Variants in NEGR1 observed in about 807,000 individuals in gnomAD.
NEGR1 encodes neuronal growth regulator 1, also known as IgLON family member 4.
A neutral mutation model predicts 40.9 loss-of-function variants in NEGR1; 10 were observed. The ratio of observed to expected loss-of-function variants is 0.24; its 90% CI spans 0.15 to 0.42. NEGR1 has a LOEUF of 0.42. NEGR1 is among the 10% of genes least tolerant of loss of function. The probability of loss-of-function intolerance (pLI) is 1.00; values close to 1 mark genes in which losing one functional copy is unlikely to be tolerated. For missense variants in NEGR1, 352 were observed against 438.9 expected (o/e 0.80, Z 1.77); for synonymous variants, 185 against 166.8 (o/e 1.11, Z -0.84).
chr1:72,279,800 A>T (rs568141987), intron 1 of NEGR1, among the ~76,000 whole-genome samples: 1 of 152,326 alleles, frequency 6.6e-6, no homozygotes, highest in East Asian at 1.9e-4. Flanking sequence ...CAAGAAAAAA[A>T]TAACTGACAA....
intron 1 of NEGR1, among the ~76,000 whole-genome samples, chr1:72,261,408 C>T (rs1055676911): frequency 6.6e-6 from 1 of 151,892 alleles, no homozygotes; most frequent in Non-Finnish European, 1.5e-5. Context: ...TTATGCAGAA[C>T]ACTGGTTTAA....
chr1:71,921,372 T>C (rs940315126), intron 2 of NEGR1, among the ~76,000 whole-genome samples: 16 of 152,012 alleles, frequency 1.1e-4, no homozygotes, highest in Non-Finnish European at 1.9e-4. Context: ...CATTTGACCT[T>C]TGAACAATGC....
intron 2 of NEGR1, among the ~76,000 whole-genome samples, chr1:71,876,101 G>A (rs1006311008): frequency 6.6e-6 from 1 of 152,032 alleles, no homozygotes; most frequent in Non-Finnish European, 1.5e-5. Context: ...CGAGGAGCTC[G>A]GACTTCCTTT....
intron 4 of NEGR1, among the ~76,000 whole-genome samples, chr1:71,690,680 T>C (rs1045731901): frequency 9.1e-6 from 1 of 110,322 alleles, no homozygotes; most frequent in Non-Finnish European, 2.0e-5. Context: ...AGATTTGCCG[T>C]TGTTTGTTCT....
In NEGR1 at chr1:72,175,792, A is replaced by G. The variant is rs1199432789; in HGVS notation, c.176+106527T>C. On this transcript the variant is annotated intron_variant, in intron 1 of 6. Transcript: ENST00000357731. ...GAACCAGACAGCAAAATTTGGAATCACAGCTGCTTTTCCACAAACGGTTTC... is the reference window on the plus strand; with the variant it reads ...GAACCAGACAGCAAAATTTGGAATCGCAGCTGCTTTTCCACAAACGGTTTC... Among the ~76,000 whole-genome samples, 3 of 152,128 alleles carry G rather than the reference A, an allele frequency of 2.0e-5. No homozygotes were observed. The East Asian group carries it at 5.8e-4, about 29-fold the overall frequency.
chr1:71,848,189 T>C (rs1659485798), intron 2 of NEGR1, among the ~76,000 whole-genome samples: 1 of 152,204 alleles, frequency 6.6e-6, no homozygotes, highest in South Asian at 2.1e-4. Context: ...GGAAAGAAGC[T>C]GTTTCCATAA....
chr1:72,032,263 C>T (rs1436022791), intron 1 of NEGR1, among the ~76,000 whole-genome samples: 1 of 152,040 alleles, frequency 6.6e-6, no homozygotes, highest in Non-Finnish European at 1.5e-5. Flanking sequence ...CATAAGCATC[C>T]TAAATAACTG....
rs903974380 is a variant in NEGR1 at position 71,963,180 on chromosome 1, A to T, written c.177-27869T>A. ...TTGCTTGCCTTTATAATACACCTGG[A>T]CATTTTTCTGTAATGCCTACAGGTA... On this transcript the variant is annotated intron_variant, in intron 1 of 6. Transcript: ENST00000357731. Among the ~76,000 whole-genome samples the T allele has an allele frequency of 2.6e-5, 4 of 152,184 alleles. No individual in the cohort carries two copies. In the South Asian group the frequency reaches 6.2e-4, roughly 24 times the overall value.
chr1:72,089,782 CA>C (rs1046264630), intron 1 of NEGR1, among the ~76,000 whole-genome samples: 25 of 152,040 alleles, frequency 1.6e-4, no homozygotes, highest in African/African-American at 6.0e-4. Context: ...GCCTTGCAGA[CA>C]AAAGATTAAA....
At chr1:72,045,700 T>C (rs1646994773) in intron 1 of NEGR1, among the ~76,000 whole-genome samples, 1 of 151,944 alleles carries the variant, frequency 6.6e-6, no homozygotes, top group East Asian at 1.9e-4. Flanking sequence ...GTCTTGGGTA[T>C]GTCTTTTCAG....
chr1:72,148,748 T>C (rs975824389), intron 1 of NEGR1, among the ~76,000 whole-genome samples: 2 of 152,180 alleles, frequency 1.3e-5, no homozygotes, highest in Admixed American at 1.3e-4. Context: ...GTCTCTTTGA[T>C]AAAACATAAC....
intron 1 of NEGR1, among the ~76,000 whole-genome samples, chr1:72,137,050 C>G (rs1289859088): frequency 6.6e-6 from 1 of 152,166 alleles, no homozygotes; most frequent in East Asian, 1.9e-4. Context: ...AATGAGATAC[C>G]ATCTCACACC....
chr1:71,956,385 C>G (rs1029930609), intron 1 of NEGR1, among the ~76,000 whole-genome samples: 2 of 151,974 alleles, frequency 1.3e-5, no homozygotes, highest in African/African-American at 4.8e-5. Flanking sequence ...ATCATCAAAC[C>G]AAGAGAACAA....
intron 6 of NEGR1, among the ~76,000 whole-genome samples, chr1:71,519,560 C>G (rs1647138820): frequency 9.8e-6 from 1 of 102,554 alleles, no homozygotes; most frequent in Non-Finnish European, 1.9e-5. Context: ...AGGGGAATAT[C>G]ACACTCTGGG....
At chr1:71,669,086 T>A (rs1012159664) in intron 4 of NEGR1, among the ~76,000 whole-genome samples, 8 of 152,218 alleles carry the variant, frequency 5.3e-5, no homozygotes, top group African/African-American at 1.9e-4. Context: ...ACATGTAGAT[T>A]TAGAATTTTT....
chr1:71,723,030 GAA>G (rs3077143), intron 3 of NEGR1, among the ~76,000 whole-genome samples: 4 of 149,284 alleles, frequency 2.7e-5, no homozygotes, highest in African/African-American at 9.8e-5. Flanking sequence ...GAAAGTTTCT[GAA>G]AAAAAAAACT....
At chr1:71,836,435 A>T (rs1659031172) in intron 2 of NEGR1, among the ~76,000 whole-genome samples, 1 of 146,214 alleles carries the variant, frequency 6.8e-6, no homozygotes, top group African/African-American at 2.5e-5. Context: ...GCTCAAAAAA[A>T]AAACAAAAAA....
rs560523279 is a variant in NEGR1 at position 71,579,554 on chromosome 1, A to G, written c.940+13263T>C. ...AAGAATTGGAAAACAAAATAATACA[A>G]CTACTTAAGTTTTTTAATACAAAAT... is the stretch of plus-strand genomic sequence containing the variant. On this transcript the variant is annotated intron_variant, in intron 6 of 6. Transcript: ENST00000357731. Among the ~76,000 whole-genome samples the G allele has an allele frequency of 2.0e-5, 3 of 151,914 alleles. No individual in the cohort carries two copies. In the South Asian group the frequency reaches 6.2e-4, roughly 32 times the overall value.
chr1:72,249,295 T>C (rs925359474), intron 1 of NEGR1, among the ~76,000 whole-genome samples: 3 of 152,254 alleles, frequency 2.0e-5, no homozygotes, highest in African/African-American at 7.2e-5. Flanking sequence ...CTTCTAAAAC[T>C]GTTAGAAATA....
Sources: allele counts gnomAD v4.1 joint callset (sites outside exome capture counted in the v4.1 genomes callset), GRCh38; gene constraint gnomAD v4.1.1; transcripts MANE v1.5; gene names NCBI Gene and HGNC (gene_info 2026-07-23, HGNC 2026-07-21).